Variants in STARD9 observed in about 807,000 individuals in gnomAD.
The protein encoded by STARD9 is stAR-related lipid transfer protein 9.
A neutral mutation model predicts 399.8 loss-of-function variants in STARD9; 346 were observed. The ratio of observed to expected loss-of-function variants is 0.87; its 90% CI spans 0.79 to 0.95. The LOEUF is 0.95. Ranked by LOEUF, STARD9 falls within the 40% of genes least tolerant of loss-of-function variation. The probability of loss-of-function intolerance (pLI) is 0.00; values close to 1 mark genes in which losing one functional copy is unlikely to be tolerated. For synonymous variants in STARD9, 2,203 were observed against 2,143.5 expected (o/e 1.03, Z -0.77); for missense variants, 5,832 against 5,667.5 (o/e 1.03, Z -0.93).
rs1378027391 is a variant in STARD9, at chr15:42,582,987, TTTC to T, written c.48-357_48-355del. Among the ~76,000 whole-genome samples the T allele has an allele frequency of 5.3e-5, 8 of 152,330 alleles. No individual in the cohort carries two copies. The East Asian group carries it at 1.5e-3, about 29-fold the overall frequency. On this transcript the variant is annotated intron_variant, in intron 1 of 32. Coordinates refer to ENST00000290607, the MANE Select transcript of STARD9 (RefSeq NM_020759.3). ...GTGTGACCTTGGACAAGTTACATAA[TTTC>T]TCTCAGCTTTAGTCCTCTGCCTGTA...
At chr15:42,666,647 G>A (rs1467596681) in intron 15 of STARD9, among the ~76,000 whole-genome samples, 2 of 152,126 alleles carry the variant, frequency 1.3e-5, no homozygotes, top group East Asian at 1.9e-4. Flanking sequence ...TAATAAAGGA[G>A]TATCTTTGGA....
At chr15:42,680,460 C>T (rs937517494) in intron 20 of STARD9, among the ~76,000 whole-genome samples, 3 of 151,898 alleles carry the variant, frequency 2.0e-5, no homozygotes, top group South Asian at 4.2e-4. Context: ...ATTAGCTGGG[C>T]GTGGTGGCAT....
Position 42,693,852 on chromosome 15 carries a change from G to C in STARD9, c.12274G>C (p.Glu4092Gln), listed in dbSNP as rs1173042811. 3 of 1,536,804 alleles carry C rather than the reference G, an allele frequency of 2.0e-6. No individual in the cohort carries two copies. The highest frequency in any genetic ancestry group is 1.2e-5 in the South Asian group (1 of 83,990). Residue 4092 changes from glutamate (E) to glutamine (Q), a missense_variant, in exon 23 of 33, where the codon GAG becomes CAG. Glu to Gln is a conservative substitution (Grantham distance 29). Coordinates refer to ENST00000290607, the MANE Select transcript of STARD9 (RefSeq NM_020759.3). ...LQHLSPCPVS[E>Q]LTDTAGLRGS... ...GCACCTCAGCCCCTGCCCTGTCTCT[G>C]AGTTGACTGATACTGCAGGGCTCCG...
intron 3 of STARD9, among the ~76,000 whole-genome samples, chr15:42,614,408 C>A (rs2058915024): frequency 1.3e-5 from 2 of 151,942 alleles, no homozygotes. Flanking sequence ...GAGAGCAAAA[C>A]CGAATGGCCC....
At chr15:42,588,776 GTTTTTTTTTTTTTTTTT>G (rs758570571) in intron 3 of STARD9, among the ~76,000 whole-genome samples, 9 of 38,412 alleles carry the variant, frequency 2.3e-4, no homozygotes, top group East Asian at 1.0e-3. Context: ...TCTTCACAGC[GTTTTTTTTTTTTTTTTT>G]TTTTTTTTTT....
intron 26 of STARD9, among the ~76,000 whole-genome samples, chr15:42,709,026 T>G (rs978831850): frequency 2.0e-5 from 3 of 152,200 alleles, no homozygotes; most frequent in Non-Finnish European, 2.9e-5. Flanking sequence ...ATGTCCTGTT[T>G]CTGGTGATGT....
chr15:42,575,850 G>T, intron 1 of STARD9, 88 bp downstream of exon 1: 1 of 1,412,544 alleles, frequency 7.1e-7, no homozygotes, highest in Non-Finnish European at 9.7e-7. Flanking sequence ...AGATTCTGGC[G>T]CGCAGAAATC....
rs751139847 is a variant in STARD9 at position 42,688,976 on chromosome 15, C to T, written c.7398C>T (p.Ala2466=). 2.8e-5 allele frequency: 43 copies of T among 1,537,194 alleles called. No individual in the cohort carries two copies. The highest frequency in any genetic ancestry group is 6.8e-5 in the African/African-American group (5 of 73,008). ...FSTSEDFASE[A]EVAVQKEIRV... is the part of the protein sequence containing the mutation. ...CCAGTGAAGATTTTGCTTCTGAAGC[C>T]GAGGTGGCTGTACAAAAAGAAATAA... Residue 2466 remains alanine, a synonymous_variant, in exon 23 of 33, where the codon GCC becomes GCT. Coordinates refer to ENST00000290607, the MANE Select transcript of STARD9 (RefSeq NM_020759.3).
intron 3 of STARD9, among the ~76,000 whole-genome samples, chr15:42,626,233 A>ATTCTTC (rs750568752): frequency 1.1e-4 from 16 of 150,610 alleles, no homozygotes; most frequent in South Asian, 4.2e-4. Flanking sequence ...AAGAGTTTTA[A>ATTCTTC]TTCTTCTTCT....
chr15:42,634,991 T>G lies in STARD9; in HGVS notation c.351+19T>G, dbSNP rs1448320215. ...GACCCCAGTGAGTATTACAATGATA[T>G]ATATTCCTAATGCCACAGCAAGCCT... On this transcript the variant is annotated intron_variant, in intron 4 of 32. Coordinates refer to ENST00000290607, the MANE Select transcript of STARD9 (RefSeq NM_020759.3). 9.4e-6 allele frequency: 13 copies of G among 1,381,470 alleles called. No homozygotes were observed. The highest frequency in any genetic ancestry group is 1.3e-5 in the Non-Finnish European group (13 of 1,011,886). The allele number at this position is 1,381,470 out of a possible 1,614,324, so 85.6% of individuals were successfully genotyped here.
rs1297545509 is a variant in STARD9 at position 42,665,843 on chromosome 15, T to C, written c.1312T>C (p.Leu438=). The change falls in exon 15 of 33, where the codon TTG becomes CTG. Residue 438 remains leucine (L), a synonymous_variant. Transcript: ENST00000290607. ...NLKELVLQNE[L]KIDQLTKDWT... is the part of the protein sequence containing the mutation. The stretch of plus-strand genomic sequence containing the variant: ...GAAGGAGCTGGTTCTCCAAAATGAA[T>C]TGAAGGTGGGTGTGTTGGGTGGACT... The C allele has an allele frequency of 1.3e-6, 2 of 1,536,970 alleles. No individual in the cohort carries two copies. Among genetic ancestry groups the C allele is most frequent in the African/African-American group, 2.7e-5 (2 of 73,008 alleles).
chr15:42,718,112 GC>G lies in STARD9; in HGVS notation c.13699del (p.Leu4567CysfsTer15), dbSNP rs1372507908. 1 of 1,537,230 alleles carries G rather than the reference GC, an allele frequency of 6.5e-7. No homozygotes were observed. The highest frequency in any genetic ancestry group is 8.7e-7 in the Non-Finnish European group (1 of 1,146,896). On this transcript the variant is annotated frameshift_variant, in exon 30 of 33. Coordinates refer to ENST00000290607, the MANE Select transcript of STARD9 (RefSeq NM_020759.3). LOFTEE classifies it high-confidence loss of function. The part of the protein sequence containing the change: ...WAAVSDPTVW[P>X]LYYKPIQTAR... ...CGGCTGTCAGTGACCCCACTGTGTGGCCCCTGTATTACAAGCCCATCCAGAC... is the reference window on the plus strand; with the variant it reads ...CGGCTGTCAGTGACCCCACTGTGTGGCCCTGTATTACAAGCCCATCCAGAC...
At chr15:42,612,193 G>A (rs1470567684) in intron 3 of STARD9, among the ~76,000 whole-genome samples, 1 of 152,142 alleles carries the variant, frequency 6.6e-6, no homozygotes, top group Non-Finnish European at 1.5e-5. Context: ...GCCCAAGCTG[G>A]TTTCAAACTC....
At chr15:42,637,967 C>G in intron 5 of STARD9, 28 bp downstream of exon 5, 1 of 1,537,288 alleles carries the variant, frequency 6.5e-7, no homozygotes, top group South Asian at 1.2e-5. Flanking sequence ...GCTGGATCCT[C>G]TCAAAGTAGG....
At position 42,687,402 on chromosome 15, in the gene STARD9, G is replaced by T; in HGVS notation, c.5824G>T (p.Glu1942Ter). ...NVSLEKDMPG[E>*]SAVSLKSRSV... ...AAGCCTTGAGAAAGACATGCCAGGG[G>T]AAAGTGCTGTTTCTTTGAAATCCAG... is the stretch of plus-strand genomic sequence containing the variant. The change falls in exon 23 of 33, where the codon GAA (glutamate) becomes TAA (stop). Residue 1942 changes from glutamate to a stop codon, truncating the protein, a stop_gained. Coordinates refer to ENST00000290607, the MANE Select transcript of STARD9 (RefSeq NM_020759.3). LOFTEE classifies it high-confidence loss of function. 1 of 1,536,870 alleles carries T rather than the reference G, an allele frequency of 6.5e-7. No homozygotes were observed. Among genetic ancestry groups the T allele is most frequent in the Non-Finnish European group, 8.7e-7 (1 of 1,146,908 alleles).
intron 26 of STARD9, among the ~76,000 whole-genome samples, chr15:42,699,810 G>A (rs545440188): frequency 1.3e-5 from 2 of 151,892 alleles, no homozygotes; most frequent in Non-Finnish European, 2.9e-5. Context: ...GGGTTCAAGC[G>A]ATTCTCATGC....
At chr15:42,664,789 AACACACACACACACACACACACACAC>A (rs55773330) in intron 13 of STARD9, among the ~76,000 whole-genome samples, 1 of 144,726 alleles carries the variant, frequency 6.9e-6, no homozygotes, top group East Asian at 2.0e-4. Flanking sequence ...TTTATCCTTT[AACACACACACACACACACACACACAC>A]ACACACACAC....
chr15:42,601,432 C>T (rs535583406), intron 3 of STARD9, among the ~76,000 whole-genome samples: 1,894 of 151,194 alleles, frequency 0.013, 50 homozygotes, highest in African/African-American at 0.044. Flanking sequence ...ACTTCCCAGA[C>T]GGGGCGGCCG....
At chr15:42,604,358 A>G (rs1044181669) in intron 3 of STARD9, among the ~76,000 whole-genome samples, 2 of 152,184 alleles carry the variant, frequency 1.3e-5, no homozygotes, top group Admixed American at 1.3e-4. Context: ...TACCTCGTTC[A>G]TTCATTCAGC....
Sources: allele counts gnomAD v4.1 joint callset (sites outside exome capture counted in the v4.1 genomes callset), GRCh38; gene constraint gnomAD v4.1.1; transcripts MANE v1.5; gene names NCBI Gene and HGNC (gene_info 2026-07-23, HGNC 2026-07-21).